The following PRKG1 variants were observed in gnomAD, a reference collection of about 807,000 sequenced individuals.
The protein encoded by PRKG1 is cGMP-dependent protein kinase 1.
PRKG1 carries 35 observed loss-of-function variants against 88.1 expected under a neutral mutation model. That is an observed-to-expected ratio of 0.40 (90% CI 0.30 to 0.53). The LOEUF (loss-of-function observed/expected upper bound fraction) is 0.53. PRKG1 is among the 20% of genes least tolerant of loss of function. The pLI is 0.59. For synonymous variants in PRKG1, 303 were observed against 292.5 expected (o/e 1.04, Z -0.37); for missense variants, 540 against 839.8 (o/e 0.64, Z 4.41).
At chr10:50,994,834 T>A (rs1284503692) in intron 1 of PRKG1, among the ~76,000 whole-genome samples, 1 of 148,678 alleles carries the variant, frequency 6.7e-6, no homozygotes, top group Non-Finnish European at 1.5e-5. Context: ...AAAAGAATGA[T>A]TGTGCCTGGA....
At chr10:51,718,882 C>T (rs1048980828) in intron 3 of PRKG1, among the ~76,000 whole-genome samples, 3 of 151,146 alleles carry the variant, frequency 2.0e-5, no homozygotes, top group Admixed American at 6.6e-5. Context: ...TGTGGTGGCT[C>T]ATGCCTGTAA....
chr10:51,594,490 CAT>C (rs1338629862), intron 3 of PRKG1, among the ~76,000 whole-genome samples: 1 of 152,328 alleles, frequency 6.6e-6, no homozygotes, highest in African/African-American at 2.4e-5. Context: ...ATTACCACTG[CAT>C]AGTTTAGTGC....
At chr10:51,250,489 CTT>C (rs1839399834) in intron 2 of PRKG1, among the ~76,000 whole-genome samples, 1 of 151,730 alleles carries the variant, frequency 6.6e-6, no homozygotes, top group African/African-American at 2.4e-5. Flanking sequence ...CAGTCTCAGA[CTT>C]TGATGGATGA....
chr10:51,464,813 C>CCA (rs1175330953), intron 2 of PRKG1, among the ~76,000 whole-genome samples: 1 of 147,418 alleles, frequency 6.8e-6, no homozygotes, highest in Non-Finnish European at 1.5e-5. Context: ...ATGGCGTGAA[C>CCA]CCGGGAGGCG....
intron 2 of PRKG1, among the ~76,000 whole-genome samples, chr10:51,159,181 A>C (rs1246390950): frequency 6.6e-6 from 1 of 152,154 alleles, no homozygotes; most frequent in Non-Finnish European, 1.5e-5. Flanking sequence ...GATGTAATGA[A>C]CATTGACATT....
intron 9 of PRKG1, chr10:52,184,835 A>C (rs1839145614): frequency 6.6e-6 from 1 of 151,744 alleles, no homozygotes; most frequent in African/African-American, 2.4e-5. Flanking sequence ...ACTTTTAAAC[A>C]ACTAGATCAT....
chr10:52,193,446 GCT>G (rs1002722890), intron 9 of PRKG1, among the ~76,000 whole-genome samples: 1 of 151,074 alleles, frequency 6.6e-6, no homozygotes, highest in African/African-American at 2.4e-5. Flanking sequence ...TACTTGGGAG[GCT>G]GAGGCAGGAG....
intron 8 of PRKG1, among the ~76,000 whole-genome samples, chr10:52,144,042 T>C (rs1003688891): frequency 6.6e-6 from 1 of 152,134 alleles, no homozygotes; most frequent in Non-Finnish European, 1.5e-5. Context: ...GTTTGGCTGG[T>C]AGCATCCCAG....
intron 10 of PRKG1, among the ~76,000 whole-genome samples, chr10:52,264,591 G>T (rs1021556104): frequency 6.6e-6 from 1 of 151,946 alleles, no homozygotes; most frequent in Non-Finnish European, 1.5e-5. Context: ...ACTAAAAAAT[G>T]GCTTTATGCT....
At chr10:51,225,639 G>A (rs907745809) in intron 2 of PRKG1, among the ~76,000 whole-genome samples, 28 of 151,678 alleles carry the variant, frequency 1.8e-4, no homozygotes, top group Admixed American at 4.6e-4. Flanking sequence ...TTTATTATAC[G>A]TAAATACATT....
chr10:51,262,880 C>T (rs931540123), intron 2 of PRKG1, among the ~76,000 whole-genome samples: 23 of 152,164 alleles, frequency 1.5e-4, no homozygotes, highest in Non-Finnish European at 8.8e-5. Context: ...AATCGCCTCC[C>T]ATCAATCCCC....
intron 9 of PRKG1, among the ~76,000 whole-genome samples, chr10:52,199,591 T>C (rs1413711495): frequency 6.6e-6 from 1 of 152,148 alleles, no homozygotes; most frequent in African/African-American, 2.4e-5. Context: ...AACGCTTCCA[T>C]AAATAAGAGG....
intron 9 of PRKG1, among the ~76,000 whole-genome samples, chr10:52,206,809 C>A (rs1169385337): frequency 6.6e-6 from 1 of 152,148 alleles, no homozygotes; most frequent in Non-Finnish European, 1.5e-5. Flanking sequence ...GAGGAGTTTC[C>A]ATTTTGCTGG....
At chr10:51,309,913 G>A (rs1209077560) in intron 2 of PRKG1, among the ~76,000 whole-genome samples, 2 of 152,152 alleles carry the variant, frequency 1.3e-5, no homozygotes, top group African/African-American at 4.8e-5. Context: ...ATACTATTCA[G>A]TCATAGAAAA....
intron 4 of PRKG1, among the ~76,000 whole-genome samples, chr10:51,870,346 A>G (rs1283970598): frequency 6.6e-6 from 1 of 152,056 alleles, no homozygotes; most frequent in Non-Finnish European, 1.5e-5. Context: ...GTGTTGTCAG[A>G]GTTAAGTCAT....
intron 4 of PRKG1, among the ~76,000 whole-genome samples, chr10:51,873,781 G>A (rs551687445): frequency 2.6e-5 from 4 of 152,092 alleles, no homozygotes; most frequent in South Asian, 2.1e-4. Flanking sequence ...CACTCGCCTC[G>A]GCCTCCCAAA....
intron 3 of PRKG1, chr10:51,696,621 T>G (rs1841300218): frequency 1.3e-5 from 2 of 151,802 alleles, no homozygotes; most frequent in Admixed American, 1.3e-4. Flanking sequence ...TAGGGTGGGA[T>G]AAGTGAAGCA....
intron 2 of PRKG1, among the ~76,000 whole-genome samples, chr10:51,457,298 C>T (rs1416735294): frequency 6.6e-6 from 1 of 152,122 alleles, no homozygotes; most frequent in African/African-American, 2.4e-5. Context: ...GAGTTGGAGA[C>T]CATTATTCTA....
At chr10:51,451,813 A>G (rs1419920161) in intron 2 of PRKG1, among the ~76,000 whole-genome samples, 1 of 151,948 alleles carries the variant, frequency 6.6e-6, no homozygotes, top group East Asian at 1.9e-4. Flanking sequence ...AAGTGAGGTT[A>G]GGAAGTGATG....
Sources: gnomAD v4.1 joint callset for allele counts (sites outside exome capture counted in the v4.1 genomes callset) on GRCh38, gnomAD v4.1.1 for gene constraint, MANE v1.5 for transcripts, NCBI Gene and HGNC (gene_info 2026-07-23, HGNC 2026-07-21) for gene names.